The following SPINK5 variants were observed in gnomAD, a reference collection of about 807,000 sequenced individuals.
The protein encoded by SPINK5 is serine peptidase inhibitor Kazal type 5.
Under a neutral mutation model 151.8 loss-of-function variants are expected in SPINK5, and 125 were observed. The ratio of observed to expected loss-of-function variants is 0.82; its 90% CI spans 0.71 to 0.96. The LOEUF is 0.96. Among genes scored for constraint, SPINK5 ranks in the 40% least tolerant of loss-of-function variants. The pLI is 0.00. For synonymous variants in SPINK5, 374 were observed against 395.3 expected (o/e 0.95, Z 0.64); for missense variants, 1,194 against 1,291.9 (o/e 0.92, Z 1.16).
intron 13 of SPINK5, 115 bp from the exon 14 acceptor site, chr5:148,101,240 T>C (rs1753633900): frequency 1.3e-6 from 1 of 781,602 alleles, no homozygotes; most frequent in African/African-American, 1.7e-5. Context: ...GTTAGGCACA[T>C]CACATTCAAA....
At chr5:148,102,249 A>G (rs186865991) in intron 15 of SPINK5, among the ~76,000 whole-genome samples, 2 of 152,250 alleles carry the variant, frequency 1.3e-5, no homozygotes, top group African/African-American at 4.8e-5. Context: ...GGGAATGAGG[A>G]AATGTTAATC....
chr5:148,086,278 C>T (rs1753151217), intron 4 of SPINK5, 127 bp from the exon 5 acceptor site: 1 of 1,116,204 alleles, frequency 9.0e-7, no homozygotes, highest in South Asian at 1.5e-5. Context: ...CTCAATGTAG[C>T]CTTCATGATA....
intron 10 of SPINK5, 110 bp from the exon 11 acceptor site, chr5:148,097,757 A>G (rs964821578): frequency 8.4e-7 from 1 of 1,194,456 alleles, no homozygotes; most frequent in African/African-American, 1.5e-5. Context: ...CTAAATCTTA[A>G]AAGTTTTATT....
At chr5:148,121,221 C>T (rs1414543549) in intron 26 of SPINK5, among the ~76,000 whole-genome samples, 2 of 149,362 alleles carry the variant, frequency 1.3e-5, no homozygotes, top group African/African-American at 4.9e-5. Context: ...CTTGATCTGG[C>T]ATTTCATTGC....
intron 5 of SPINK5, 148 bp downstream of exon 5, chr5:148,086,680 C>A: frequency 9.9e-7 from 1 of 1,013,664 alleles, no homozygotes; most frequent in Non-Finnish European, 1.4e-6. Context: ...TTTTACTACT[C>A]TTAAGACAAA....
intron 32 of SPINK5, chr5:148,134,125 T>C: frequency 3.6e-6 from 2 of 555,070 alleles, no homozygotes; most frequent in Admixed American, 2.6e-5. Context: ...ATAGATTGTT[T>C]ATGAGCAATG....
intron 2 of SPINK5, among the ~76,000 whole-genome samples, chr5:148,068,443 T>C (rs1314672986): frequency 6.7e-6 from 1 of 150,132 alleles, no homozygotes; most frequent in Non-Finnish European, 1.5e-5. Flanking sequence ...TAGCAAAGTA[T>C]AGTAATCCAA....
intron 4 of SPINK5, among the ~76,000 whole-genome samples, 200 bp downstream of exon 4, chr5:148,072,420 A>AT (rs1280621475): frequency 2.7e-5 from 4 of 146,484 alleles, no homozygotes; most frequent in Non-Finnish European, 5.9e-5. Context: ...TCCGACTCTA[A>AT]AAACATTTTA....
At chr5:148,064,683 T>C (rs1471726378) in intron 1 of SPINK5, among the ~76,000 whole-genome samples, 2 of 152,098 alleles carry the variant, frequency 1.3e-5, no homozygotes, top group Non-Finnish European at 2.9e-5. Flanking sequence ...ACAAATTGCC[T>C]AGACTTACGT....
intron 2 of SPINK5, 130 bp from the exon 3 acceptor site, chr5:148,070,193 A>C (rs751976147): frequency 1.6e-5 from 17 of 1,056,120 alleles, no homozygotes; most frequent in Non-Finnish European, 2.3e-5. Context: ...TACATACTTA[A>C]TCTTCAAAAA....
intron 24 of SPINK5, 106 bp downstream of exon 24, chr5:148,119,164 C>G: frequency 8.9e-7 from 1 of 1,124,156 alleles, no homozygotes; most frequent in Non-Finnish European, 1.3e-6. Flanking sequence ...AGAGCTTGCC[C>G]TTAGAAGGTC....
At chr5:148,089,010 A>G (rs1193008535) in intron 6 of SPINK5, 2 of 460,792 alleles carry the variant, frequency 4.3e-6, no homozygotes, top group South Asian at 1.6e-5. Context: ...TTTTTTTTCT[A>G]TGATACAGTT....
At chr5:148,117,694 T>C (rs1754132264) in intron 22 of SPINK5, among the ~76,000 whole-genome samples, 1 of 151,836 alleles carries the variant, frequency 6.6e-6, no homozygotes, top group Non-Finnish European at 1.5e-5. Flanking sequence ...CAAACTTAGA[T>C]AAAAAATACA....
intron 16 of SPINK5, among the ~76,000 whole-genome samples, chr5:148,105,901 GGT>G (rs905329309): frequency 6.6e-6 from 1 of 151,806 alleles, no homozygotes; most frequent in Non-Finnish European, 1.5e-5. Context: ...TGGGATTACA[GGT>G]GTGAGCCACT....
intron 29 of SPINK5, among the ~76,000 whole-genome samples, chr5:148,126,152 T>TCAGA (rs1409060006): frequency 1.3e-5 from 2 of 152,156 alleles, no homozygotes; most frequent in Non-Finnish European, 2.9e-5. Context: ...CACAACTAGA[T>TCAGA]CAGACTCAAT....
chr5:148,134,248 A>T (rs1754644707), intron 32 of SPINK5, among the ~76,000 whole-genome samples: 1 of 152,182 alleles, frequency 6.6e-6, no homozygotes, highest in Admixed American at 6.5e-5. Flanking sequence ...GGATTTAAAC[A>T]ATTTCTATAT....
At chr5:148,126,571 T>TTTTATTTATTTA (rs78833989) in intron 29 of SPINK5, among the ~76,000 whole-genome samples, 117 of 149,836 alleles carry the variant, frequency 7.8e-4, no homozygotes, top group African/African-American at 2.1e-3. Context: ...TGTGATTCTG[T>TTTTATTTATTTA]TTTATTTATT....
chr5:148,072,330 A>G (rs374713410), intron 4 of SPINK5, 110 bp downstream of exon 4: 5 of 1,145,322 alleles, frequency 4.4e-6, no homozygotes, highest in East Asian at 2.5e-5. Flanking sequence ...GAAGCCAACA[A>G]CTTAGGAGGG....
At chr5:148,100,377 G>C in intron 12 of SPINK5, 77 bp from the exon 13 acceptor site, 2 of 1,442,754 alleles carry the variant, frequency 1.4e-6, no homozygotes, top group Non-Finnish European at 1.9e-6. Flanking sequence ...ATTAGTTTCT[G>C]CCAATGTAGA....
Sources: gnomAD v4.1 joint callset for allele counts (sites outside exome capture counted in the v4.1 genomes callset) on GRCh38, gnomAD v4.1.1 for gene constraint, MANE v1.5 for transcripts, NCBI Gene and HGNC (gene_info 2026-07-23, HGNC 2026-07-21) for gene names.